The following PIP5K1C variants were observed in gnomAD, a reference collection of about 807,000 sequenced individuals.
PIP5K1C encodes phosphatidylinositol 4-phosphate 5-kinase type-1 gamma.
A neutral mutation model predicts 80.1 loss-of-function variants in PIP5K1C; 45 were observed. The ratio of observed to expected loss-of-function variants is 0.56; its 90% CI spans 0.44 to 0.72. PIP5K1C has a LOEUF of 0.72. Ranked by LOEUF, PIP5K1C falls within the 30% of genes least tolerant of loss-of-function variation. The pLI is 0.00. For synonymous variants in PIP5K1C, 498 were observed against 420.1 expected (o/e 1.19, Z -2.27); for missense variants, 753 against 954.6 (o/e 0.79, Z 2.78).
At chr19:3,697,289 G>A (rs569460631) in intron 1 of PIP5K1C, among the ~76,000 whole-genome samples, 5 of 150,944 alleles carry the variant, frequency 3.3e-5, no homozygotes, top group Non-Finnish European at 7.4e-5. Context: ...CCGGATAGAG[G>A]ACCGAGCCGG....
Position 3,664,802 on chromosome 19 carries a change from G to A in PIP5K1C, c.219+20C>T. The A allele has an allele frequency of 1.2e-6, 2 of 1,600,014 alleles. No homozygotes were observed. Among genetic ancestry groups the A allele is most frequent in the Non-Finnish European group, 1.7e-6 (2 of 1,168,198 alleles). On this transcript the variant is annotated intron_variant, in intron 3 of 17. Coordinates refer to ENST00000335312, the MANE Select transcript of PIP5K1C (RefSeq NM_012398.3). The stretch of plus-strand genomic sequence containing the variant: ...TGCTCTGTCCCGCTCCCTCCAGCCA[G>A]CTAAGGGGAGCCGAGGAACCTTCTT...
intron 8 of PIP5K1C, among the ~76,000 whole-genome samples, chr19:3,650,902 G>A (rs1010598539): frequency 2.1e-4 from 32 of 152,012 alleles, no homozygotes; most frequent in African/African-American, 6.8e-4. Flanking sequence ...GATTACAGGC[G>A]TGCACCACCA....
chr19:3,642,326 C>G (rs1328373776), intron 14 of PIP5K1C, among the ~76,000 whole-genome samples: 1 of 152,346 alleles, frequency 6.6e-6, no homozygotes, highest in African/African-American at 2.4e-5. Flanking sequence ...CCAGGGACCT[C>G]GCAAATGTCC....
intron 6 of PIP5K1C, among the ~76,000 whole-genome samples, chr19:3,655,278 C>G (rs531000131): frequency 6.6e-6 from 1 of 151,376 alleles, no homozygotes; most frequent in Non-Finnish European, 1.5e-5. Flanking sequence ...AATAGCCAGG[C>G]GTGGTGGCGG....
At chr19:3,676,424 A>G (rs2035362240) in intron 1 of PIP5K1C, among the ~76,000 whole-genome samples, 1 of 152,194 alleles carries the variant, frequency 6.6e-6, no homozygotes, top group South Asian at 2.1e-4. Flanking sequence ...GGTTCGGTCA[A>G]CTCTAGAAAT....
Position 3,638,967 on chromosome 19 carries a change from C to T in PIP5K1C, c.1837G>A (p.Ala613Thr). The T allele has an allele frequency of 6.2e-7, 1 of 1,612,062 alleles. No homozygotes were observed. The highest frequency in any genetic ancestry group is 2.2e-5 in the East Asian group (1 of 44,848). ...GASAAVEVET[A>T]SQASDEEGAP... ...CCCTCCTCGTCTGAGGCCTGGCTGG[C>T]AGTTTCTACTTCAACAGCAGCAGAG... Residue 613 changes from alanine (A) to threonine (T), a missense_variant, in exon 16 of 18, where the codon GCC (alanine) becomes ACC (threonine). Ala to Thr is a moderately conservative substitution (Grantham distance 58). Coordinates refer to ENST00000335312, the MANE Select transcript of PIP5K1C (RefSeq NM_012398.3).
intron 1 of PIP5K1C, among the ~76,000 whole-genome samples, chr19:3,693,272 G>C (rs1401609712): frequency 1.3e-5 from 2 of 152,152 alleles, no homozygotes; most frequent in East Asian, 3.9e-4. Context: ...CAGTGGAGGA[G>C]AGCGGCCGGG....
intron 16 of PIP5K1C, chr19:3,636,438 G>A (rs1037643901): frequency 1.0e-5 from 10 of 985,262 alleles, no homozygotes; most frequent in Non-Finnish European, 9.6e-6. Flanking sequence ...CCCTCCCCAC[G>A]TCTGCCCCTT....
At chr19:3,697,818 C>T (rs1371119874) in intron 1 of PIP5K1C, among the ~76,000 whole-genome samples, 4 of 152,212 alleles carry the variant, frequency 2.6e-5, no homozygotes, top group Non-Finnish European at 5.9e-5. Context: ...CACAGGCCAT[C>T]GGCCCACACA....
chr19:3,686,229 A>G (rs1026620316), intron 1 of PIP5K1C, among the ~76,000 whole-genome samples: 2 of 152,100 alleles, frequency 1.3e-5, no homozygotes, highest in African/African-American at 4.8e-5. Context: ...CGGTAATCCT[A>G]GCACTTTGGG....
chr19:3,634,451 G>A (rs922515017), intron 16 of PIP5K1C, among the ~76,000 whole-genome samples: 16 of 152,128 alleles, frequency 1.1e-4, no homozygotes, highest in African/African-American at 3.4e-4. Context: ...GATGACCTGC[G>A]AATTTCCACC....
At chr19:3,666,727 G>A (rs576685456) in intron 2 of PIP5K1C, among the ~76,000 whole-genome samples, 51 of 144,350 alleles carry the variant, frequency 3.5e-4, no homozygotes, top group African/African-American at 1.3e-3. Flanking sequence ...ATGCACACAC[G>A]CACGCAGGCA....
chr19:3,687,118 G>A (rs1002504782), intron 1 of PIP5K1C, among the ~76,000 whole-genome samples: 2 of 152,016 alleles, frequency 1.3e-5, no homozygotes, highest in African/African-American at 2.4e-5. Flanking sequence ...GCTTGAACCC[G>A]GGAGGCAGAC....
At chr19:3,651,433 C>T (rs185734747) in intron 8 of PIP5K1C, among the ~76,000 whole-genome samples, 4 of 152,340 alleles carry the variant, frequency 2.6e-5, no homozygotes, top group African/African-American at 9.6e-5. Flanking sequence ...GTGAGCCCTG[C>T]CTCGCCCGAT....
chr19:3,656,085 C>T (rs1475221182), intron 6 of PIP5K1C, among the ~76,000 whole-genome samples: 3 of 152,206 alleles, frequency 2.0e-5, no homozygotes, highest in African/African-American at 7.2e-5. Context: ...CCGCAGGCTG[C>T]TGGTTCTGGG....
chr19:3,651,894 G>C lies in PIP5K1C; in HGVS notation c.1059C>G (p.Leu353=), dbSNP rs371972710. Residue 353 remains leucine (L), a synonymous_variant, in exon 8 of 18, where the codon CTC becomes CTG. Transcript: ENST00000335312. ...GGATGGACTCCATGGCCGTGGAGTA[G>C]AGCGCCTTCTGGCCCACAGGCCGCT... is the stretch of plus-strand genomic sequence containing the variant. ...DEKRPVGQKA[L]YSTAMESIQG... 26 of 1,612,708 alleles carry C rather than the reference G, an allele frequency of 1.6e-5. No individual in the cohort carries two copies. The highest frequency in any genetic ancestry group is 4.0e-5 in the African/African-American group (3 of 74,950).
At chr19:3,655,285 G>C (rs1000249885) in intron 6 of PIP5K1C, among the ~76,000 whole-genome samples, 2 of 151,764 alleles carry the variant, frequency 1.3e-5, no homozygotes, top group African/African-American at 2.4e-5. Flanking sequence ...AGGCGTGGTG[G>C]CGGGCGCCTG....
intron 11 of PIP5K1C, 91 bp from the exon 12 acceptor site, chr19:3,644,342 C>T: frequency 7.6e-7 from 1 of 1,315,786 alleles, no homozygotes; most frequent in Non-Finnish European, 1.1e-6. Flanking sequence ...ACCCCACGTC[C>T]CTGTGGCCCA....
intron 1 of PIP5K1C, among the ~76,000 whole-genome samples, chr19:3,691,615 C>A (rs1452483866): frequency 6.6e-6 from 1 of 152,182 alleles, no homozygotes; most frequent in Non-Finnish European, 1.5e-5. Context: ...CCCGTCCCTT[C>A]CAACCAAAGC....
Sources: gnomAD v4.1 joint callset for allele counts (sites outside exome capture counted in the v4.1 genomes callset) on GRCh38, gnomAD v4.1.1 for gene constraint, MANE v1.5 for transcripts, NCBI Gene and HGNC (gene_info 2026-07-23, HGNC 2026-07-21) for gene names.